The following IRF2 variants were observed in gnomAD, a reference collection of about 807,000 sequenced individuals.
The protein encoded by IRF2 is interferon regulatory factor 2.
In IRF2, 15 loss-of-function variants were observed where a neutral mutation model predicts 40.6. That is an observed-to-expected ratio of 0.37 (90% CI 0.25 to 0.57). The LOEUF (loss-of-function observed/expected upper bound fraction) is 0.57, where lower values mean the gene tolerates loss of function less well. Ranked by LOEUF, IRF2 falls within the 20% of genes least tolerant of loss-of-function variation. IRF2 has a pLI of 0.77. For synonymous variants in IRF2, 151 were observed against 165.5 expected (o/e 0.91, Z 0.67); for missense variants, 317 against 455.7 (o/e 0.70, Z 2.77).
chr4:184,396,051 A>G (rs1736442871), intron 7 of IRF2, among the ~76,000 whole-genome samples: 1 of 152,254 alleles, frequency 6.6e-6, no homozygotes, highest in Non-Finnish European at 1.5e-5. Context: ...AGAAGAGAGA[A>G]AGAAAACCAC....
At chr4:184,437,908 CCTGGGCACA>C (rs1738145789) in intron 1 of IRF2, among the ~76,000 whole-genome samples, 1 of 151,962 alleles carries the variant, frequency 6.6e-6, no homozygotes, top group Non-Finnish European at 1.5e-5. Context: ...AGTAATTTTT[CCTGGGCACA>C]CAATAGTCTT....
intron 1 of IRF2, among the ~76,000 whole-genome samples, chr4:184,450,142 C>T (rs1738664762): frequency 6.6e-6 from 1 of 152,194 alleles, no homozygotes; most frequent in African/African-American, 2.4e-5. Context: ...AGGGCAGAAC[C>T]CCTTAATCCA....
chr4:184,466,043 C>T (rs1393788332), intron 1 of IRF2, among the ~76,000 whole-genome samples: 7 of 148,814 alleles, frequency 4.7e-5, no homozygotes, highest in Non-Finnish European at 1.0e-4. Flanking sequence ...TTAACTTGTC[C>T]CATCTGGTTG....
intron 2 of IRF2, among the ~76,000 whole-genome samples, chr4:184,428,487 A>G (rs773756592): frequency 1.3e-5 from 2 of 152,248 alleles, no homozygotes; most frequent in Non-Finnish European, 2.9e-5. Context: ...GGCTGAGGCT[A>G]CAGTCGTACA....
intron 1 of IRF2, among the ~76,000 whole-genome samples, chr4:184,451,328 G>T (rs1281997783): frequency 6.6e-6 from 1 of 152,206 alleles, no homozygotes; most frequent in African/African-American, 2.4e-5. Flanking sequence ...GTCCAAAGTT[G>T]CTTCACAAAA....
intron 6 of IRF2, 144 bp from the exon 7 acceptor site, chr4:184,399,223 C>T (rs759210054): frequency 6.3e-5 from 51 of 814,718 alleles, no homozygotes; most frequent in Middle Eastern, 4.7e-4. Flanking sequence ...GAAGAACACG[C>T]CTGAGCTCTG....
At chr4:184,425,489 G>A (rs981835700) in intron 2 of IRF2, among the ~76,000 whole-genome samples, 4 of 152,228 alleles carry the variant, frequency 2.6e-5, no homozygotes, top group Non-Finnish European at 4.4e-5. Flanking sequence ...ACAGGGCCTC[G>A]GGGCCACAGT....
chr4:184,400,050 T>G (rs150385478), intron 6 of IRF2, among the ~76,000 whole-genome samples: 4 of 152,326 alleles, frequency 2.6e-5, no homozygotes, highest in Non-Finnish European at 5.9e-5. Context: ...CAGTTTTACT[T>G]GCACTCTTTT....
intron 6 of IRF2, among the ~76,000 whole-genome samples, chr4:184,407,537 T>G (rs1736903259): frequency 6.6e-6 from 1 of 152,250 alleles, no homozygotes; most frequent in Non-Finnish European, 1.5e-5. Flanking sequence ...ATTTGGTGCC[T>G]TGATTTTTCT....
At chr4:184,391,737 G>C (rs538786465) in intron 7 of IRF2, among the ~76,000 whole-genome samples, 1 of 152,326 alleles carries the variant, frequency 6.6e-6, no homozygotes, top group African/African-American at 2.4e-5. Flanking sequence ...ATCCAAATGT[G>C]TGTCGCTTCA....
At chr4:184,435,984 CT>C (rs35816093) in intron 1 of IRF2, among the ~76,000 whole-genome samples, 33 of 143,354 alleles carry the variant, frequency 2.3e-4, no homozygotes, top group Non-Finnish European at 2.1e-4. Context: ...TTTCTTTTTT[CT>C]TTTTTTTTTT....
intron 7 of IRF2, among the ~76,000 whole-genome samples, chr4:184,398,354 A>G (rs1736539514): frequency 2.0e-5 from 3 of 152,150 alleles, no homozygotes; most frequent in Admixed American, 2.0e-4. Flanking sequence ...ATCTGTAACC[A>G]TATATAAAAA....
chr4:184,460,027 A>T lies in IRF2; in HGVS notation c.-7+14352T>A, dbSNP rs1739078088. Among the ~76,000 whole-genome samples the T allele has an allele frequency of 2.6e-5, 4 of 152,324 alleles. No individual in the cohort carries two copies. The East Asian group carries it at 7.7e-4, about 29-fold the overall frequency. ...TTGAAATAACTGAAAGCAGGGACTC[A>T]AACAGATACTTTTATACCAATGATC... On this transcript the variant is annotated intron_variant, in intron 1 of 8. Transcript: ENST00000393593.
At chr4:184,473,767 G>A (rs1248471433) in intron 1 of IRF2, among the ~76,000 whole-genome samples, 1 of 149,164 alleles carries the variant, frequency 6.7e-6, no homozygotes, top group African/African-American at 2.6e-5. Flanking sequence ...CGTGGCTGGA[G>A]GCGCTCCTCC....
At chr4:184,398,666 A>AAAAAT (rs1554012287) in intron 7 of IRF2, among the ~76,000 whole-genome samples, 1 of 147,044 alleles carries the variant, frequency 6.8e-6, no homozygotes, top group Non-Finnish European at 1.5e-5. Flanking sequence ...AAAAAAAAAA[A>AAAAAT]AAATAAATAA....
In IRF2 at chr4:184,409,443, G is replaced by GT. The variant is rs34575172; in HGVS notation, c.412-1169dup. On this transcript the variant is annotated intron_variant, in intron 5 of 8. Transcript: ENST00000393593. ...AGGCATCACTCCACTGTATAGCTCG[G>GT]TTTTTAAACAAACCATACACTGCCT... Among the ~76,000 whole-genome samples the GT allele has an allele frequency of 5.3e-5, 8 of 152,230 alleles. No homozygotes were observed. The East Asian group carries it at 5.8e-4, about 11-fold the overall frequency.
chr4:184,433,100 C>T (rs965172531), intron 1 of IRF2, among the ~76,000 whole-genome samples: 15 of 152,018 alleles, frequency 9.9e-5, no homozygotes, highest in Admixed American at 5.9e-4. Flanking sequence ...GTCATGACCA[C>T]GATCTAAGAC....
chr4:184,412,204 T>C (rs1387085456), intron 5 of IRF2, among the ~76,000 whole-genome samples: 1 of 152,134 alleles, frequency 6.6e-6, no homozygotes, highest in Non-Finnish European at 1.5e-5. Flanking sequence ...AGGTTTGGTC[T>C]CTGGTTTAAG....
chr4:184,446,935 G>A (rs866662112), intron 1 of IRF2, among the ~76,000 whole-genome samples: 13 of 151,934 alleles, frequency 8.6e-5, no homozygotes, highest in Non-Finnish European at 1.9e-4. Flanking sequence ...CAGCCTGGGC[G>A]ACAGAGCAAG....
Sources: allele counts gnomAD v4.1 joint callset (sites outside exome capture counted in the v4.1 genomes callset), GRCh38; gene constraint gnomAD v4.1.1; transcripts MANE v1.5; gene names NCBI Gene and HGNC (gene_info 2026-07-23, HGNC 2026-07-21).